SGCG: variants seen among roughly 807,000 people sequenced by gnomAD.
The protein encoded by SGCG is sarcoglycan gamma.
In SGCG, 26 loss-of-function variants were observed where a neutral mutation model predicts 29.3. The ratio of observed to expected loss-of-function variants is 0.89; its 90% CI spans 0.65 to 1.23. The LOEUF is 1.23. Among genes scored for constraint, SGCG ranks in the 50% most tolerant of loss-of-function variants. The pLI, the probability that SGCG is intolerant of heterozygous loss-of-function variation, is 0.00. For synonymous variants in SGCG, 145 were observed against 129.7 expected (o/e 1.12, Z -0.80); for missense variants, 353 against 356.0 (o/e 0.99, Z 0.07).
In SGCG at chr13:23,263,856, G is replaced by A. The variant is rs182667083; in HGVS notation, c.385+13139G>A. Among the ~76,000 whole-genome samples the A allele has an allele frequency of 1.2e-4, 18 of 152,110 alleles. No homozygotes were observed. The East Asian group carries it at 2.9e-3, about 24-fold the overall frequency. On this transcript the variant is annotated intron_variant, in intron 4 of 7. Coordinates refer to ENST00000218867, the MANE Select transcript of SGCG (RefSeq NM_000231.3). Reference sequence around the variant, plus strand: ...GATCATCTCAGTAGATGCAGAAAAAGCATTAAACAAAATCTAGCATTCTTT... The same window carrying A: ...GATCATCTCAGTAGATGCAGAAAAAACATTAAACAAAATCTAGCATTCTTT...
intron 3 of SGCG, chr13:23,243,924 T>C (rs1566014518): frequency 6.6e-6 from 1 of 152,146 alleles, no homozygotes; most frequent in African/African-American, 2.4e-5. Flanking sequence ...GGTGACATCA[T>C]TGGATACCAT....
At chr13:23,231,677 A>G (rs1019248352) in intron 2 of SGCG, among the ~76,000 whole-genome samples, 2 of 152,172 alleles carry the variant, frequency 1.3e-5, no homozygotes, top group African/African-American at 4.8e-5. Flanking sequence ...ATCGATTTTT[A>G]TAATTTACTA....
rs543827628 is a variant in SGCG at position 23,205,763 on chromosome 13, C to T, written c.195+1874C>T. Among the ~76,000 whole-genome samples the T allele has an allele frequency of 4.6e-5, 7 of 152,134 alleles. No homozygotes were observed. In the South Asian group the frequency reaches 1.0e-3, roughly 23 times the overall value. On this transcript the variant is annotated intron_variant, in intron 2 of 7. Transcript: ENST00000218867. ...TCACTGCAGCTGCCCATCCCCTGCC[C>T]TTTCTAGTGAGATATGGTCATTGAG...
At chr13:23,281,135 G>T (rs1881289892) in intron 5 of SGCG, among the ~76,000 whole-genome samples, 1 of 152,020 alleles carries the variant, frequency 6.6e-6, no homozygotes, top group Non-Finnish European at 1.5e-5. Flanking sequence ...ATGAGTTTAA[G>T]ACCAGCCTGG....
At chr13:23,251,141 C>G (rs1252065089) in intron 4 of SGCG, among the ~76,000 whole-genome samples, 1 of 152,228 alleles carries the variant, frequency 6.6e-6, no homozygotes, top group Non-Finnish European at 1.5e-5. Flanking sequence ...CATTCTCCTC[C>G]TTTCCAGTTT....
intron 2 of SGCG, among the ~76,000 whole-genome samples, chr13:23,204,592 TTTCTTTTC>T (rs1877905897): frequency 1.5e-5 from 2 of 130,834 alleles, no homozygotes; most frequent in African/African-American, 5.4e-5. Flanking sequence ...CTTTCTTTTC[TTTCTTTTC>T]TTTCTTTTCT....
Position 23,296,473 on chromosome 13 carries a change from T to A in SGCG, c.578+986T>A, listed in dbSNP as rs1230391377. ...ATCTTAACCATTTTTAGTGTACAGT[T>A]CAGTAGTCTTAAGTACATTCATATT... is the stretch of plus-strand genomic sequence containing the variant. On this transcript the variant is annotated intron_variant, in intron 6 of 7. Coordinates refer to ENST00000218867, the MANE Select transcript of SGCG (RefSeq NM_000231.3). Among the ~76,000 whole-genome samples the A allele has an allele frequency of 3.9e-5, 6 of 152,328 alleles. No homozygotes were observed. The South Asian group carries it at 6.2e-4, about 16-fold the overall frequency.
At chr13:23,264,842 A>G (rs889148776) in intron 4 of SGCG, among the ~76,000 whole-genome samples, 29 of 152,220 alleles carry the variant, frequency 1.9e-4, no homozygotes, top group African/African-American at 6.8e-4. Context: ...CATCCTATTC[A>G]ATAAATGGTG....
chr13:23,292,649 A>G (rs1881760292), intron 5 of SGCG, among the ~76,000 whole-genome samples: 1 of 145,714 alleles, frequency 6.9e-6, no homozygotes, highest in Non-Finnish European at 1.5e-5. Flanking sequence ...CTTTTTTCTC[A>G]GTCATAATAT....
At chr13:23,308,497 T>G (rs1882436089) in intron 6 of SGCG, among the ~76,000 whole-genome samples, 1 of 152,216 alleles carries the variant, frequency 6.6e-6, no homozygotes, top group African/African-American at 2.4e-5. Context: ...ATCTGGTACC[T>G]GCTAGGGCAA....
At chr13:23,240,636 T>C (rs1879469726) in intron 3 of SGCG, among the ~76,000 whole-genome samples, 1 of 152,206 alleles carries the variant, frequency 6.6e-6, no homozygotes, top group Non-Finnish European at 1.5e-5. Flanking sequence ...CATAGTGGGT[T>C]TAATAAGACA....
At chr13:23,214,905 G>A (rs1878368515) in intron 2 of SGCG, among the ~76,000 whole-genome samples, 1 of 152,142 alleles carries the variant, frequency 6.6e-6, no homozygotes, top group Non-Finnish European at 1.5e-5. Flanking sequence ...TGAGTTTGGA[G>A]GAGGAAGATA....
intron 1 of SGCG, among the ~76,000 whole-genome samples, chr13:23,198,845 C>CA (rs34460964): frequency 2.5e-3 from 282 of 111,440 alleles, no homozygotes; most frequent in Middle Eastern, 6.0e-3. Context: ...GACTCCATCT[C>CA]AAAAAAAAAA....
chr13:23,182,895 A>G (rs544497), intron 1 of SGCG, among the ~76,000 whole-genome samples: 10,588 of 152,272 alleles, frequency 0.07, 787 homozygotes, highest in African/African-American at 0.19. Context: ...CTTTGGAAGG[A>G]TCACTGCAGT....
intron 4 of SGCG, among the ~76,000 whole-genome samples, chr13:23,257,764 T>C (rs1391059316): frequency 1.3e-5 from 2 of 152,128 alleles, no homozygotes; most frequent in Non-Finnish European, 2.9e-5. Context: ...TTTCTACATA[T>C]GGCTAGCCAG....
chr13:23,320,597 C>CTTTTT (rs67528585), intron 6 of SGCG, 40 bp from the exon 7 acceptor site: 42 of 1,322,754 alleles, frequency 3.2e-5, no homozygotes, highest in South Asian at 6.6e-5. Context: ...ATTTTTAATA[C>CTTTTT]TTTTTTTTTT....
At position 23,211,793 on chromosome 13, in the gene SGCG, G is replaced by A. The variant is rs1391557034; in HGVS notation, c.195+7904G>A. Among the ~76,000 whole-genome samples the A allele has an allele frequency of 2.0e-5, 3 of 152,240 alleles. No individual in the cohort carries two copies. The East Asian group carries it at 5.8e-4, about 29-fold the overall frequency. ...AGTTCTCTCTTGCTTCAGTGTTTTG[G>A]TATATGCTCTTCTCTCTATCTAGAG... On this transcript the variant is annotated intron_variant, in intron 2 of 7. Coordinates refer to ENST00000218867, the MANE Select transcript of SGCG (RefSeq NM_000231.3).
the SGCG span, among the ~76,000 whole-genome samples, chr13:23,172,739 C>T: frequency 6.6e-6 from 1 of 152,346 alleles, no homozygotes; most frequent in Admixed American, 6.5e-5. Flanking sequence ...TCAGTCTCTG[C>T]CATCAAACTT....
chr13:23,315,486 A>T (rs1000160576), intron 6 of SGCG, among the ~76,000 whole-genome samples: 1 of 152,158 alleles, frequency 6.6e-6, no homozygotes, highest in South Asian at 2.1e-4. Context: ...CAATGGCCTC[A>T]TGGGGAGTTC....
Sources: gnomAD v4.1 joint callset for allele counts (sites outside exome capture counted in the v4.1 genomes callset) on GRCh38, gnomAD v4.1.1 for gene constraint, MANE v1.5 for transcripts, NCBI Gene and HGNC (gene_info 2026-07-23, HGNC 2026-07-21) for gene names.